Variants in OTOF observed in about 807,000 individuals in gnomAD.
OTOF encodes fer-1-like family member 2.
OTOF carries 218 observed loss-of-function variants against 236.8 expected under a neutral mutation model. The ratio of observed to expected loss-of-function variants is 0.92; its 90% CI spans 0.82 to 1.03. The LOEUF (loss-of-function observed/expected upper bound fraction) is 1.03. Ranked by LOEUF, OTOF falls within the 50% of genes least tolerant of loss-of-function variation. OTOF has a pLI of 0.00. For synonymous variants in OTOF, 1,041 were observed against 1,072.5 expected, an observed-to-expected ratio of 0.97 and a Z score of 0.57; for missense variants, 2,590 against 2,694.4, an observed-to-expected ratio of 0.96 and a Z score of 0.86.
At chr2:26,463,257 C>T (rs1170643005) in intron 41 of OTOF, among the ~76,000 whole-genome samples, 7 of 152,292 alleles carry the variant, frequency 4.6e-5, no homozygotes, top group Middle Eastern at 3.4e-3. Context: ...GGGTGGAAGG[C>T]GTTGTCCTGC....
intron 9 of OTOF, among the ~76,000 whole-genome samples, chr2:26,493,766 C>G (rs1490444707): frequency 6.6e-6 from 1 of 152,052 alleles, no homozygotes; most frequent in African/African-American, 2.4e-5. Flanking sequence ...GGGGTATAAC[C>G]TTGTAAGGGG....
chr2:26,538,426 C>G (rs1244564282), intron 1 of OTOF, among the ~76,000 whole-genome samples: 4 of 152,234 alleles, frequency 2.6e-5, no homozygotes, highest in African/African-American at 4.8e-5. Context: ...CCCCACTTTC[C>G]CCACTGGCAT....
intron 5 of OTOF, among the ~76,000 whole-genome samples, chr2:26,514,574 ATGT>A (rs1222317438): frequency 1.3e-5 from 2 of 152,128 alleles, no homozygotes; most frequent in African/African-American, 4.8e-5. Context: ...GGCTCCCAGG[ATGT>A]TGTTTCCCAT....
At chr2:26,507,077 C>T (rs562090107) in intron 5 of OTOF, among the ~76,000 whole-genome samples, 1 of 152,354 alleles carries the variant, frequency 6.6e-6, no homozygotes, top group South Asian at 2.1e-4. Flanking sequence ...TCCCTTCCAA[C>T]CCTGCATAGT....
At chr2:26,464,202 G>T in intron 39 of OTOF, 96 bp from the exon 40 acceptor site, 2 of 1,439,780 alleles carry the variant, frequency 1.4e-6, no homozygotes, top group Non-Finnish European at 1.9e-6. Flanking sequence ...AAGCCTCTAT[G>T]CCATCACCTG....
At chr2:26,481,205 C>A (rs986987150) in intron 14 of OTOF, among the ~76,000 whole-genome samples, 196 bp from the exon 15 acceptor site, 1 of 151,928 alleles carries the variant, frequency 6.6e-6, no homozygotes, top group South Asian at 2.1e-4. Flanking sequence ...TTCTTCCCTG[C>A]GGGGGCCTGA....
At chr2:26,499,737 C>T (rs919455971) in intron 8 of OTOF, among the ~76,000 whole-genome samples, 1 of 152,100 alleles carries the variant, frequency 6.6e-6, no homozygotes, top group Non-Finnish European at 1.5e-5. Context: ...TCTTGCAATC[C>T]ACTCATCTCG....
intron 5 of OTOF, among the ~76,000 whole-genome samples, chr2:26,508,100 G>A (rs913375719): frequency 6.6e-6 from 1 of 152,200 alleles, no homozygotes; most frequent in African/African-American, 2.4e-5. Flanking sequence ...TGCAGGTCGA[G>A]TCCATTCACT....
chr2:26,488,592 C>T (rs990050571), intron 11 of OTOF, among the ~76,000 whole-genome samples: 3 of 152,226 alleles, frequency 2.0e-5, no homozygotes, highest in Non-Finnish European at 4.4e-5. Flanking sequence ...GACCAGAGTC[C>T]CTCAGAGGCC....
chr2:26,485,482 T>G (rs1403925771), intron 11 of OTOF, among the ~76,000 whole-genome samples: 1 of 152,324 alleles, frequency 6.6e-6, no homozygotes, highest in Non-Finnish European at 1.5e-5. Context: ...CTCATCCCAG[T>G]GTCCCATGAC....
intron 1 of OTOF, among the ~76,000 whole-genome samples, chr2:26,548,451 A>G (rs1667385088): frequency 1.3e-5 from 2 of 152,176 alleles, no homozygotes; most frequent in South Asian, 4.2e-4. Flanking sequence ...TCACCCTGGA[A>G]GGAGACTCCA....
intron 6 of OTOF, among the ~76,000 whole-genome samples, 158 bp downstream of exon 6, chr2:26,503,614 G>A (rs185830254): frequency 6.6e-6 from 1 of 152,324 alleles, no homozygotes; most frequent in East Asian, 1.9e-4. Flanking sequence ...TCGGCCCTAG[G>A]GCGTCTCCTT....
At position 26,537,717 on chromosome 2, in the gene OTOF, T is replaced by A. The variant is rs1284563346; in HGVS notation, c.137A>T (p.Glu46Val). Residue 46 changes from glutamate to valine, a missense_variant and splice_region_variant, in exon 2 of 47, where the codon GAG becomes GTG. Glu to Val is a moderately radical substitution (Grantham distance 121, BLOSUM62 -2). Transcript: ENST00000272371. Reference protein sequence around the residue: ...ENCEDVADFDETFRWPVASSI... With the variant: ...ENCEDVADFDVTFRWPVASSI... ...AGGGGGGAGTCTTGGGCCTCCTACC[T>A]CATCAAAGTCAGCCACATCCTCACA... The A allele has an allele frequency of 6.4e-7, 1 of 1,553,012 alleles. No individual in the cohort carries two copies.
chr2:26,475,426 C>T lies in OTOF; in HGVS notation c.3059G>A (p.Gly1020Asp). The change falls in exon 25 of 47, where the codon GGT (glycine) becomes GAT (aspartate). Residue 1020 changes from glycine (G) to aspartate (D), a missense_variant. Around this residue, in one of 2 missense-constraint regions of OTOF, gnomAD observed 1,211 missense variants for 1,352.8 expected, o/e 0.90. Transcript: ENST00000272371. Reference protein sequence around the residue: ...MLVFDNLELYGEAHELRDDPP... With the variant: ...MLVFDNLELYDEAHELRDDPP... ...ATCGTCCCTCAGCTCATGAGCTTCA[C>T]CATAGAGCTCCAGGTTGTCGAACAC... is the stretch of plus-strand genomic sequence containing the variant. 6.2e-7 allele frequency: 1 copy of T among 1,613,142 alleles called. No homozygotes were observed. The highest frequency in any genetic ancestry group is 2.2e-5 in the East Asian group (1 of 44,868).
rs533096751 is a variant in OTOF at position 26,471,936 on chromosome 2, C to T, written c.3864+583G>A. Among the ~76,000 whole-genome samples the T allele has an allele frequency of 1.6e-4, 25 of 152,004 alleles. No homozygotes were observed. In the South Asian group the frequency reaches 2.7e-3, roughly 16 times the overall value. The stretch of plus-strand genomic sequence containing the variant: ...CACTCATGCACATTTACCTACCACC[C>T]GCATGCATGCACACTGCACACATGC... On this transcript the variant is annotated intron_variant, in intron 30 of 46. Transcript: ENST00000272371.
At chr2:26,513,351 G>A (rs903937383) in intron 5 of OTOF, among the ~76,000 whole-genome samples, 1 of 152,152 alleles carries the variant, frequency 6.6e-6, no homozygotes, top group African/African-American at 2.4e-5. Context: ...GGGCAGGGCT[G>A]GGGGGTGGAC....
intron 30 of OTOF, 43 bp from the exon 31 acceptor site, chr2:26,471,193 G>T: frequency 6.2e-7 from 1 of 1,607,818 alleles, no homozygotes; most frequent in Non-Finnish European, 8.5e-7. Flanking sequence ...CAGCCACTGG[G>T]GCCTGGAGTG....
chr2:26,535,019 T>G (rs1044457416), intron 2 of OTOF, among the ~76,000 whole-genome samples: 2 of 152,200 alleles, frequency 1.3e-5, no homozygotes, highest in South Asian at 4.1e-4. Flanking sequence ...CAGGCTACCT[T>G]TGGGACTGGG....
intron 5 of OTOF, among the ~76,000 whole-genome samples, chr2:26,515,303 G>A (rs561442894): frequency 6.6e-5 from 10 of 152,236 alleles, no homozygotes; most frequent in Admixed American, 2.0e-4. Context: ...CCCCATGCCC[G>A]TGGCTGGCCT....
Sources: gnomAD v4.1 joint callset for allele counts (sites outside exome capture counted in the v4.1 genomes callset) on GRCh38, gnomAD v4.1.1 for gene constraint, gnomAD v4.1.1 regional missense constraint, MANE v1.5 for transcripts, NCBI Gene and HGNC (gene_info 2026-07-23, HGNC 2026-07-21) for gene names.